The following EFNA5 variants were observed in gnomAD, a reference collection of about 807,000 sequenced individuals.
EFNA5 encodes the protein ephrin-A5.
In EFNA5, 5 loss-of-function variants were observed where a neutral mutation model predicts 22.9. The ratio of observed to expected loss-of-function variants is 0.22; its 90% CI spans 0.11 to 0.46. The LOEUF is 0.46. Among genes scored for constraint, EFNA5 ranks in the 20% least tolerant of loss-of-function variants. The pLI, the probability that EFNA5 is intolerant of heterozygous loss-of-function variation, is 0.99. For synonymous variants in EFNA5, 113 were observed against 112.2 expected (o/e 1.01, Z -0.04); for missense variants, 237 against 293.3 (o/e 0.81, Z 1.40).
chr5:107,558,397 T>C (rs1048466102), intron 1 of EFNA5, among the ~76,000 whole-genome samples: 8 of 152,204 alleles, frequency 5.3e-5, no homozygotes, highest in African/African-American at 1.9e-4. Flanking sequence ...CACCTGATTA[T>C]ATTCATTAAA....
chr5:107,417,186 T>C (rs79829877), intron 2 of EFNA5, among the ~76,000 whole-genome samples: 2,458 of 152,274 alleles, frequency 0.016, 53 homozygotes, highest in African/African-American at 0.055. Flanking sequence ...TTAGCTAACA[T>C]TAATGTAGAT....
chr5:107,396,253 G>A (rs111342534), intron 2 of EFNA5, among the ~76,000 whole-genome samples: 275 of 152,194 alleles, frequency 1.8e-3, no homozygotes, highest in Non-Finnish European at 2.2e-3. Flanking sequence ...CTTTCTCCCT[G>A]GTTCATTCTT....
At chr5:107,492,562 C>T (rs913281710) in intron 1 of EFNA5, among the ~76,000 whole-genome samples, 2 of 152,126 alleles carry the variant, frequency 1.3e-5, no homozygotes, top group African/African-American at 4.8e-5. Context: ...TTCAGTATGA[C>T]TTAAGAAGCT....
chr5:107,510,529 C>A (rs1747348152), intron 1 of EFNA5, among the ~76,000 whole-genome samples: 1 of 152,168 alleles, frequency 6.6e-6, no homozygotes, highest in Non-Finnish European at 1.5e-5. Context: ...GATCCAAGAA[C>A]CCTCTCTTGG....
At position 107,670,752 on chromosome 5, in the gene EFNA5, G is replaced by C. The variant is rs919485345; in HGVS notation, c.-139C>G. On this transcript the variant is annotated 5_prime_UTR_variant, in exon 1 of 5. Coordinates refer to ENST00000333274, the MANE Select transcript of EFNA5 (RefSeq NM_001962.3). ...AATAAATAAAAATGAAAGTGGGCGA[G>C]AAAGGAAAGAGGCGCCCACCAAGCT... The C allele has an allele frequency of 2.4e-6, 3 of 1,256,432 alleles. No individual in the cohort carries two copies. Among genetic ancestry groups the C allele is most frequent in the African/African-American group, 1.5e-5 (1 of 65,534 alleles). 77.8% of individuals were successfully genotyped at this position (1,256,432 alleles called of 1,614,324 possible). A position where few individuals can be genotyped will look rare whatever the true frequency, so the allele number is the denominator to read the frequency against.
At chr5:107,592,264 C>G (rs1226914894) in intron 1 of EFNA5, among the ~76,000 whole-genome samples, 3 of 149,944 alleles carry the variant, frequency 2.0e-5, no homozygotes, top group Non-Finnish European at 4.4e-5. Flanking sequence ...AGTATATTTT[C>G]AAATAGATTT....
At chr5:107,549,932 C>G (rs1180720344) in intron 1 of EFNA5, among the ~76,000 whole-genome samples, 1 of 152,232 alleles carries the variant, frequency 6.6e-6, no homozygotes, top group African/African-American at 2.4e-5. Context: ...TTGGTTAGTA[C>G]CTATGGCTCT....
At chr5:107,660,109 C>G (rs1422496014) in intron 1 of EFNA5, among the ~76,000 whole-genome samples, 1 of 151,146 alleles carries the variant, frequency 6.6e-6, no homozygotes, top group African/African-American at 2.4e-5. Context: ...TCATTGTTCC[C>G]TTGATAGCTA....
intron 1 of EFNA5, among the ~76,000 whole-genome samples, chr5:107,500,881 C>CA (rs10655416): frequency 1.5e-5 from 2 of 136,316 alleles, no homozygotes; most frequent in Admixed American, 1.4e-4. Flanking sequence ...TAAAAAAAAA[C>CA]AAAACAAAAA....
intron 2 of EFNA5, among the ~76,000 whole-genome samples, chr5:107,426,698 C>A: frequency 6.6e-6 from 1 of 152,306 alleles, no homozygotes; most frequent in Non-Finnish European, 1.5e-5. Flanking sequence ...CTTCACAAGT[C>A]TTTCCTGTTT....
intron 1 of EFNA5, among the ~76,000 whole-genome samples, chr5:107,594,244 T>TTATG (rs1245131089): frequency 6.6e-6 from 1 of 152,220 alleles, no homozygotes; most frequent in Non-Finnish European, 1.5e-5. Flanking sequence ...TTGTTAAAGA[T>TTATG]TATGTATGTA....
chr5:107,535,378 C>T (rs552684727), intron 1 of EFNA5, among the ~76,000 whole-genome samples: 15 of 152,040 alleles, frequency 9.9e-5, no homozygotes, highest in Non-Finnish European at 2.1e-4. Flanking sequence ...GAAGAACTTC[C>T]AAATAATCTT....
intron 1 of EFNA5, among the ~76,000 whole-genome samples, chr5:107,569,373 A>ATATC (rs1748726156): frequency 7.5e-6 from 1 of 132,470 alleles, no homozygotes; most frequent in African/African-American, 3.6e-5. Context: ...ACGTGTATAT[A>ATATC]TATATATATT....
chr5:107,394,699 C>A (rs929715559), intron 2 of EFNA5, among the ~76,000 whole-genome samples: 2 of 152,162 alleles, frequency 1.3e-5, no homozygotes, highest in African/African-American at 4.8e-5. Context: ...TAATAACTAA[C>A]CTGAGTATTA....
chr5:107,624,528 C>G (rs1195606150), intron 1 of EFNA5, among the ~76,000 whole-genome samples: 2 of 152,096 alleles, frequency 1.3e-5, no homozygotes, highest in Non-Finnish European at 2.9e-5. Context: ...TGGTCCAGCA[C>G]AGGTGTCTAT....
intron 1 of EFNA5, among the ~76,000 whole-genome samples, chr5:107,520,742 G>C (rs965678114): frequency 6.6e-6 from 1 of 152,206 alleles, no homozygotes; most frequent in Non-Finnish European, 1.5e-5. Flanking sequence ...GAGTGTTTCT[G>C]ACTGCTTGGT....
chr5:107,655,345 AATGAT>A (rs1182310595), intron 1 of EFNA5, among the ~76,000 whole-genome samples: 1 of 152,136 alleles, frequency 6.6e-6, no homozygotes, highest in Admixed American at 6.6e-5. Context: ...TTTTGTACAA[AATGAT>A]ATAAGAGCAA....
intron 1 of EFNA5, among the ~76,000 whole-genome samples, chr5:107,512,364 AAAC>A (rs138250906): frequency 0.43 from 63,741 of 149,370 alleles, 15,137 homozygotes; most frequent in East Asian, 0.72. Context: ...AAAACAAACA[AAAC>A]AACAACAACA....
At chr5:107,598,279 G>T (rs952181018) in intron 1 of EFNA5, among the ~76,000 whole-genome samples, 8 of 152,060 alleles carry the variant, frequency 5.3e-5, no homozygotes, top group African/African-American at 1.9e-4. Context: ...TTTCCTTACT[G>T]CAGTCCTGCC....
Sources: allele counts gnomAD v4.1 joint callset (sites outside exome capture counted in the v4.1 genomes callset), GRCh38; gene constraint gnomAD v4.1.1; transcripts MANE v1.5; gene names NCBI Gene and HGNC (gene_info 2026-07-23, HGNC 2026-07-21).